The following CAPN7 variants were observed in gnomAD, a reference collection of about 807,000 sequenced individuals.
CAPN7 encodes calpain 7, also known as calpain-7.
In CAPN7, 72 loss-of-function variants were observed where a neutral mutation model predicts 115.2. The ratio of observed to expected loss-of-function variants is 0.63; its 90% confidence interval spans 0.52 to 0.76. The LOEUF (loss-of-function observed/expected upper bound fraction) is 0.76, where lower values mean the gene tolerates loss of function less well. Among genes scored for constraint, CAPN7 ranks in the 30% least tolerant of loss-of-function variants. The pLI, the probability that CAPN7 is intolerant of heterozygous loss-of-function variation, is 0.00. For missense variants in CAPN7, 905 were observed against 971.5 expected, an observed-to-expected ratio of 0.93 and a Z score of 0.91; for synonymous variants, 344 against 322.3, an observed-to-expected ratio of 1.07 and a Z score of -0.72.
intron 19 of CAPN7, among the ~76,000 whole-genome samples, chr3:15,248,281 T>C (rs898837325): frequency 6.6e-6 from 1 of 152,186 alleles, no homozygotes; most frequent in Non-Finnish European, 1.5e-5. Flanking sequence ...TGGAAACATA[T>C]ATTCATTGAC....
At chr3:15,225,023 A>G (rs575394934) in intron 6 of CAPN7, among the ~76,000 whole-genome samples, 1 of 152,324 alleles carries the variant, frequency 6.6e-6, no homozygotes, top group East Asian at 1.9e-4. Flanking sequence ...ACACCGGGCA[A>G]GTTGTTAAAT....
At chr3:15,248,126 G>T (rs953559150) in intron 19 of CAPN7, among the ~76,000 whole-genome samples, 1 of 151,904 alleles carries the variant, frequency 6.6e-6, no homozygotes, top group South Asian at 2.1e-4. Flanking sequence ...GTATACATAT[G>T]TAACTAACCT....
chr3:15,228,583 A>G (rs1035692690), intron 7 of CAPN7, among the ~76,000 whole-genome samples: 2 of 152,234 alleles, frequency 1.3e-5, no homozygotes, highest in African/African-American at 2.4e-5. Context: ...GCTGGAGGCC[A>G]TTATCCTTAG....
At chr3:15,208,493 C>T (rs112820857) in intron 1 of CAPN7, among the ~76,000 whole-genome samples, 8,988 of 141,214 alleles carry the variant, frequency 0.064, 351 homozygotes, top group Admixed American at 0.12. Context: ...AATGGAGTCT[C>T]GCTGTGTTGC....
rs1323394858 is a variant in CAPN7, at chr3:15,252,171, G to T, written c.*911G>T. On this transcript the variant is annotated 3_prime_UTR_variant, in exon 21 of 21. Transcript: ENST00000253693. ...CCCACTTTACATAAAAACCCATCAG[G>T]ACAGAATGATGCTCAATATTTTAAA... The T allele has an allele frequency of 6.6e-6, 1 of 152,570 alleles. No individual in the cohort carries two copies. Among genetic ancestry groups the T allele is most frequent in the African/African-American group, 2.4e-5 (1 of 41,438 alleles). 9.5% of individuals were successfully genotyped at this position (152,570 alleles called of 1,614,324 possible). A position where few individuals can be genotyped will look rare whatever the true frequency, so the allele number is the denominator to read the frequency against.
rs1481156895 is a variant in CAPN7, at chr3:15,232,628, A to G, written c.1142A>G (p.Lys381Arg). ...TCTCTCATAGAAAAAGCATACATGA[A>G]AGTCATGGGAGGATATGATTTTCCA... Reference protein sequence around the residue: ...WVSLIEKAYMKVMGGYDFPGS... With the variant: ...WVSLIEKAYMRVMGGYDFPGS... Residue 381 changes from lysine (K) to arginine (R), a missense_variant, in exon 10 of 21, where the codon AAA (lysine) becomes AGA (arginine). By Grantham distance (26) the Lys-to-Arg change is conservative. This residue lies in a region of CAPN7 where 620 missense variants were observed against 703.4 expected (regional missense o/e 0.88). Transcript: ENST00000253693. 9 of 1,611,540 alleles carry G rather than the reference A, an allele frequency of 5.6e-6. No homozygotes were observed. The highest frequency in any genetic ancestry group is 7.6e-6 in the Non-Finnish European group (9 of 1,179,128).
intron 6 of CAPN7, among the ~76,000 whole-genome samples, 171 bp downstream of exon 6, chr3:15,223,732 C>G (rs1388570838): frequency 6.6e-6 from 1 of 152,088 alleles, no homozygotes; most frequent in Admixed American, 6.5e-5. Context: ...TTGTTATTTG[C>G]CCAGTCATGA....
At chr3:15,233,583 C>G (rs142175502) in intron 10 of CAPN7, among the ~76,000 whole-genome samples, 1 of 152,116 alleles carries the variant, frequency 6.6e-6, no homozygotes, top group African/African-American at 2.4e-5. Context: ...GTGACTGCAT[C>G]GTTGAAGCAG....
chr3:15,235,256 T>C (rs1694918646), intron 12 of CAPN7, 111 bp downstream of exon 12: 2 of 938,118 alleles, frequency 2.1e-6, no homozygotes, highest in Admixed American at 2.8e-5. Context: ...TTAAGTGGAG[T>C]TTATAAACCA....
chr3:15,207,866 T>A (rs2044718813), intron 1 of CAPN7, among the ~76,000 whole-genome samples: 1 of 152,172 alleles, frequency 6.6e-6, no homozygotes, highest in Non-Finnish European at 1.5e-5. Context: ...AACTTTTTTT[T>A]ATAAAAGGAG....
intron 1 of CAPN7, among the ~76,000 whole-genome samples, chr3:15,208,468 T>C (rs917103447): frequency 6.7e-6 from 1 of 149,248 alleles, no homozygotes; most frequent in African/African-American, 2.5e-5. Flanking sequence ...TTTTTTTTTT[T>C]TTTTTTTGTG....
intron 18 of CAPN7, 72 bp downstream of exon 18, chr3:15,246,866 A>C: frequency 2.6e-6 from 3 of 1,172,630 alleles, no homozygotes; most frequent in Non-Finnish European, 2.5e-6. Flanking sequence ...CATTTCTCTC[A>C]TTTTATTGTT....
chr3:15,229,553 C>CTTTTTTCTTTT lies in CAPN7; in HGVS notation c.938+500_938+501insCTTTTTTTTTT, dbSNP rs1559398769. On this transcript the variant is annotated intron_variant, in intron 8 of 20. Transcript: ENST00000253693. Reference sequence around the variant, plus strand: ...GATTAAAACATCAAAATTGGTTTTACTTTTTTTCTTTTTTTTTTTTTTTTT... The same window carrying CTTTTTTCTTTT: ...GATTAAAACATCAAAATTGGTTTTACTTTTTTCTTTTTTTTTTTCTTTTTTTTTTTTTTTTT... 7.7e-4 allele frequency among the ~76,000 whole-genome samples: 68 copies of CTTTTTTCTTTT among 88,302 alleles called. 2 individuals carry two copies. Among genetic ancestry groups the CTTTTTTCTTTT allele is most frequent in the African/African-American group, 2.4e-3 (62 of 26,280 alleles). 57.9% of individuals were successfully genotyped at this position (88,302 alleles called of 152,430 possible). A position where few individuals can be genotyped will look rare whatever the true frequency, so the allele number is the denominator to read the frequency against.
chr3:15,209,983 C>T (rs905518001), intron 1 of CAPN7, among the ~76,000 whole-genome samples: 1 of 152,016 alleles, frequency 6.6e-6, no homozygotes, highest in African/African-American at 2.4e-5. Context: ...AAATTGACAC[C>T]AGCAGTTTTT....
At chr3:15,235,181 T>G (rs368353566) in intron 12 of CAPN7, 36 bp downstream of exon 12, 1 of 1,560,238 alleles carries the variant, frequency 6.4e-7, no homozygotes, top group African/African-American at 1.4e-5. Flanking sequence ...ATTTTTCTTG[T>G]TGGATAAGAC....
chr3:15,210,054 G>A lies in CAPN7; in HGVS notation c.103-2050G>A, dbSNP rs2044844173. ...CTCATTCTGTCACCCAGGCTGGCGG[G>A]CAGTGGTGAGATCATAACTCACTGC... On this transcript the variant is annotated intron_variant, in intron 1 of 20. Coordinates refer to ENST00000253693, the MANE Select transcript of CAPN7 (RefSeq NM_014296.3). Among the ~76,000 whole-genome samples the A allele has an allele frequency of 3.3e-5, 5 of 152,232 alleles. No homozygotes were observed. The South Asian group carries it at 1.0e-3, about 32-fold the overall frequency.
intron 6 of CAPN7, among the ~76,000 whole-genome samples, chr3:15,224,871 A>G (rs569312407): frequency 2.6e-5 from 4 of 152,288 alleles, no homozygotes; most frequent in South Asian, 2.1e-4. Context: ...AAAGCCAGTT[A>G]ACATATTTTT....
intron 5 of CAPN7, among the ~76,000 whole-genome samples, chr3:15,222,956 A>C (rs934705221): frequency 1.8e-4 from 27 of 152,220 alleles, no homozygotes; most frequent in Non-Finnish European, 4.4e-5. Context: ...AATATAGATA[A>C]ATAAGCATAT....
At chr3:15,223,303 T>G (rs1694111406) in intron 5 of CAPN7, among the ~76,000 whole-genome samples, 172 bp from the exon 6 acceptor site, 1 of 152,230 alleles carries the variant, frequency 6.6e-6, no homozygotes, top group African/African-American at 2.4e-5. Flanking sequence ...AGTTATTTTC[T>G]GATTTTCAAT....
Sources: allele counts gnomAD v4.1 joint callset (sites outside exome capture counted in the v4.1 genomes callset), GRCh38; gene constraint gnomAD v4.1.1; regional missense constraint gnomAD v4.1.1; transcripts MANE v1.5; gene names NCBI Gene and HGNC (gene_info 2026-07-23, HGNC 2026-07-21).